Variants in SLC25A38 observed in about 807,000 individuals in gnomAD.
SLC25A38 encodes the protein solute carrier family 25 member 38, also known as mitochondrial glycine transporter.
Under a neutral mutation model 33.4 loss-of-function variants are expected in SLC25A38, and 27 were observed. That is an observed-to-expected ratio of 0.81 (90% CI 0.60 to 1.11). The LOEUF is 1.11. Ranked by LOEUF, SLC25A38 falls within the 50% of genes most tolerant of loss-of-function variation. SLC25A38 has a pLI of 0.00. For synonymous variants in SLC25A38, 123 were observed against 145.9 expected, an observed-to-expected ratio of 0.84 and a Z score of 1.13; for missense variants, 344 against 388.8, an observed-to-expected ratio of 0.88 and a Z score of 0.97.
chr3:39,395,961 A>G (rs767658549), intron 6 of SLC25A38, among the ~76,000 whole-genome samples: 16 of 151,766 alleles, frequency 1.1e-4, no homozygotes, highest in Admixed American at 4.6e-4. Flanking sequence ...CTGTAATCCC[A>G]GCACTTTGGG....
chr3:39,396,233 A>G (rs984153272), intron 6 of SLC25A38, among the ~76,000 whole-genome samples, 165 bp from the exon 7 acceptor site: 4 of 151,964 alleles, frequency 2.6e-5, no homozygotes, highest in African/African-American at 9.7e-5. Flanking sequence ...ATTTTTTTTA[A>G]GTTCTTTGGT....
chr3:39,385,601 C>T (rs76664897), intron 1 of SLC25A38, among the ~76,000 whole-genome samples: 5,751 of 152,212 alleles, frequency 0.038, 131 homozygotes, highest in African/African-American at 0.05. Flanking sequence ...CAGGGCCCAC[C>T]GAGCCCTATC....
At chr3:39,394,618 GA>G in intron 6 of SLC25A38, 42 bp downstream of exon 6, 1 of 1,611,140 alleles carries the variant, frequency 6.2e-7, no homozygotes, top group Non-Finnish European at 8.5e-7. Flanking sequence ...GGTGTTTAAG[GA>G]TCTCTTTCTA....
At chr3:39,393,758 G>T (rs13077114) in intron 5 of SLC25A38, among the ~76,000 whole-genome samples, 3 of 152,028 alleles carry the variant, frequency 2.0e-5, no homozygotes, top group Non-Finnish European at 2.9e-5. Flanking sequence ...CTCGGCCTCC[G>T]AAAGTGTTGG....
chr3:39,383,760 C>A lies in SLC25A38; in HGVS notation c.36C>A (p.Pro12=), dbSNP rs1161214557. The change falls in exon 1 of 7, where the codon CCC becomes CCA. Residue 12 remains proline, a synonymous_variant. Coordinates refer to ENST00000650617, the MANE Select transcript of SLC25A38 (RefSeq NM_017875.4). ...ACTCACGTCCGTCGCTGCTGCAACC[C>A]CAAGATGTCGGAGACACGGTGGAAA... ...IQNSRPSLLQ[P]QDVGDTVETL... The A allele has an allele frequency of 6.2e-7, 1 of 1,614,054 alleles. No individual in the cohort carries two copies. The highest frequency in any genetic ancestry group is 8.5e-7 in the Non-Finnish European group (1 of 1,180,012).
chr3:39,392,165 CA>C, intron 5 of SLC25A38, 144 bp downstream of exon 5: 1 of 1,119,194 alleles, frequency 8.9e-7, no homozygotes, highest in South Asian at 1.3e-5. Context: ...AACTGGGATG[CA>C]AAGGTGGATA....
rs776080756 is a variant in SLC25A38 at position 39,391,883 on chromosome 3, G to A, written c.487G>A (p.Ala163Thr). 9 of 1,613,700 alleles carry A rather than the reference G, an allele frequency of 5.6e-6. No individual in the cohort carries two copies. The East Asian group carries it at 8.9e-5, about 16-fold the overall frequency. Residue 163 changes from alanine (A) to threonine (T), a missense_variant, in exon 5 of 7, where the codon GCT becomes ACT. Physicochemically the swap from Ala to Thr is moderately conservative, Grantham distance 58 (BLOSUM62 0). Transcript: ENST00000650617. ...SGKYGYESIY[A>T]ALRSIYHSEG... is the part of the protein sequence containing the mutation. The stretch of plus-strand genomic sequence containing the variant: ...GAAATATGGCTATGAGAGTATCTAC[G>A]CTGCCCTGAGGAGCATCTATCACAG...
chr3:39,384,510 A>AT (rs758777758), intron 1 of SLC25A38: 5,403 of 305,238 alleles, frequency 0.018, 7 homozygotes, highest in Non-Finnish European at 0.023. Context: ...GGCGGCTTTT[A>AT]TTTTTTTTTT....
chr3:39,391,656 G>A lies in SLC25A38; in HGVS notation c.456+36G>A, dbSNP rs1995236. The A allele has an allele frequency of 0.97, 1,562,224 of 1,614,008 alleles. 762,029 individuals are homozygous for A. The highest frequency in any genetic ancestry group is 1 in the Non-Finnish European group (1,177,075 of 1,180,028). ...CCACTTTAGGGCCTCAGGATAGTTCGGCTTAGCCACTGGGCTCCTGGGGAG... is the reference window on the plus strand; with the variant it reads ...CCACTTTAGGGCCTCAGGATAGTTCAGCTTAGCCACTGGGCTCCTGGGGAG... On this transcript the variant is annotated intron_variant, in intron 4 of 6. Transcript: ENST00000650617.
In SLC25A38 at chr3:39,391,462, G is replaced by A. The variant is rs910327331; in HGVS notation, c.298G>A (p.Gly100Ser). Residue 100 changes from glycine (G) to serine (S), a missense_variant, in exon 4 of 7, where the codon GGC becomes AGC. This residue lies in a region of SLC25A38 where 269 missense variants were observed against 271.8 expected (regional missense o/e 0.99). Transcript: ENST00000650617. Reference protein sequence around the residue: ...MSPSIVRCVPGVGIYFGTLYS... With the variant: ...MSPSIVRCVPSVGIYFGTLYS... ...GCAGTCCATTGTGAGATGTGTCCCT[G>A]GCGTTGGAATCTACTTTGGCACTCT... 4.3e-6 allele frequency: 7 copies of A among 1,613,838 alleles called. No homozygotes were observed. Among genetic ancestry groups the A allele is most frequent in the Non-Finnish European group, 5.9e-6 (7 of 1,180,034 alleles).
Position 39,396,391 on chromosome 3 carries a change from A to G in SLC25A38, c.793-7A>G. On this transcript the variant is annotated splice_region_variant and splice_polypyrimidine_tract_variant and intron_variant, in intron 6 of 6. Transcript: ENST00000650617. ...TTCCAGAGTTCTGACATTTATTTTC[A>G]CCATAGGACTATGGACTACGTGGCT... 1 of 1,614,072 alleles carries G rather than the reference A, an allele frequency of 6.2e-7. No individual in the cohort carries two copies. Among genetic ancestry groups the G allele is most frequent in the Non-Finnish European group, 8.5e-7 (1 of 1,180,006 alleles).
chr3:39,396,452 A>G lies in SLC25A38; in HGVS notation c.847A>G (p.Thr283Ala). The change falls in exon 7 of 7, where the codon ACT (threonine) becomes GCT (alanine). Residue 283 changes from threonine to alanine, a missense_variant. Coordinates refer to ENST00000650617, the MANE Select transcript of SLC25A38 (RefSeq NM_017875.4). ...QGGIPRALRR[T>A]LMAAMAWTVY... ...TGGCATCCCCCGAGCCCTCCGCAGA[A>G]CTCTAATGGCAGCAATGGCGTGGAC... The G allele has an allele frequency of 1.9e-6, 3 of 1,613,960 alleles. No individual in the cohort carries two copies. The highest frequency in any genetic ancestry group is 2.5e-6 in the Non-Finnish European group (3 of 1,180,002).
chr3:39,394,464 C>T lies in SLC25A38; in HGVS notation c.680C>T (p.Ala227Val). 6.2e-7 allele frequency: 1 copy of T among 1,613,918 alleles called. No homozygotes were observed. The highest frequency in any genetic ancestry group is 8.5e-7 in the Non-Finnish European group (1 of 1,180,026). The part of the protein sequence containing the change: ...PITNFSCGIF[A>V]GILASLVTQP... ...ACAAATTTCAGCTGTGGGATATTTG[C>T]TGGTATTCTGGCCTCACTGGTAACT... Residue 227 changes from alanine to valine, a missense_variant, in exon 6 of 7, where the codon GCT (alanine) becomes GTT (valine). Transcript: ENST00000650617.
intron 1 of SLC25A38, among the ~76,000 whole-genome samples, chr3:39,387,511 T>A (rs995562545): frequency 1.3e-5 from 2 of 152,090 alleles, no homozygotes; most frequent in African/African-American, 4.8e-5. Flanking sequence ...GTTTTATGTG[T>A]CTCTGAGGTT....
At chr3:39,384,472 C>T (rs986126491) in intron 1 of SLC25A38, 2 of 384,180 alleles carry the variant, frequency 5.2e-6, no homozygotes, top group Non-Finnish European at 4.6e-6. Flanking sequence ...CCGCAGCTCT[C>T]CCTCTGAGGT....
chr3:39,387,138 G>A (rs892411952), intron 1 of SLC25A38, among the ~76,000 whole-genome samples: 1 of 152,218 alleles, frequency 6.6e-6, no homozygotes, highest in African/African-American at 2.4e-5. Flanking sequence ...AATGCACTGA[G>A]TGGCCTAAGT....
chr3:39,396,426 G>A lies in SLC25A38; in HGVS notation c.821G>A (p.Gly274Asp). 3 of 1,614,062 alleles carry A rather than the reference G, an allele frequency of 1.9e-6. No homozygotes were observed. Among genetic ancestry groups the A allele is most frequent in the Non-Finnish European group, 2.5e-6 (3 of 1,180,018 alleles). Residue 274 changes from glycine to aspartate, a missense_variant, in exon 7 of 7, where the codon GGT becomes GAT. This residue lies in a region of SLC25A38 where 75 missense variants were observed against 117.0 expected (regional missense o/e 0.64). Transcript: ENST00000650617. Reference sequence around the variant, plus strand: ...TATGGACTACGTGGCTTCTTCCAAGGTGGCATCCCCCGAGCCCTCCGCAGA... The same window carrying A: ...TATGGACTACGTGGCTTCTTCCAAGATGGCATCCCCCGAGCCCTCCGCAGA... ...KDYGLRGFFQ[G>D]GIPRALRRTL...
In SLC25A38 at chr3:39,383,614, C is replaced by A; in HGVS notation, c.-111C>A. 7.8e-7 allele frequency: 1 copy of A among 1,281,186 alleles called. No individual in the cohort carries two copies. Among genetic ancestry groups the A allele is most frequent in the Non-Finnish European group, 1.1e-6 (1 of 895,454 alleles). 79.4% of individuals were successfully genotyped at this position (1,281,186 alleles called of 1,614,324 possible). On this transcript the variant is annotated 5_prime_UTR_variant, in exon 1 of 7. Coordinates refer to ENST00000650617, the MANE Select transcript of SLC25A38 (RefSeq NM_017875.4). ...ACGTCAGAGAGCCCGCGGCTTAAAGCGCGTCGCCTGGCTAGCGCCACCCCC... is the reference window on the plus strand; with the variant it reads ...ACGTCAGAGAGCCCGCGGCTTAAAGAGCGTCGCCTGGCTAGCGCCACCCCC...
chr3:39,386,663 T>C (rs1446039112), intron 1 of SLC25A38, among the ~76,000 whole-genome samples: 2 of 152,120 alleles, frequency 1.3e-5, no homozygotes, highest in Admixed American at 6.5e-5. Flanking sequence ...GGTAAAAAAT[T>C]GGTGGCCGTC....
Sources: allele counts gnomAD v4.1 joint callset (sites outside exome capture counted in the v4.1 genomes callset), GRCh38; gene constraint gnomAD v4.1.1; regional missense constraint gnomAD v4.1.1; transcripts MANE v1.5; gene names NCBI Gene and HGNC (gene_info 2026-07-23, HGNC 2026-07-21).